SYNE2: variants seen among roughly 807,000 people sequenced by gnomAD.
The protein encoded by SYNE2 is nesprin-2.
A neutral mutation model predicts 856.3 loss-of-function variants in SYNE2; 431 were observed. The ratio of observed to expected loss-of-function variants is 0.50; its 90% CI spans 0.47 to 0.55. SYNE2 has a LOEUF of 0.55. Among genes scored for constraint, SYNE2 ranks in the 20% least tolerant of loss-of-function variants. SYNE2 has a pLI of 0.00. For synonymous variants in SYNE2, 2,923 were observed against 2,872.3 expected (o/e 1.02, Z -0.56); for missense variants, 8,129 against 8,023.2 (o/e 1.01, Z -0.50).
chr14:63,991,900 G>A (rs2096669408), intron 21 of SYNE2, among the ~76,000 whole-genome samples: 1 of 152,126 alleles, frequency 6.6e-6, no homozygotes, highest in South Asian at 2.1e-4. Context: ...ATGAAAGGGC[G>A]CCCTATAGGA....
chr14:64,125,878 A>G (rs2097940325), intron 71 of SYNE2, among the ~76,000 whole-genome samples: 1 of 151,970 alleles, frequency 6.6e-6, no homozygotes, highest in African/African-American at 2.4e-5. Flanking sequence ...AAGACACTGT[A>G]CCTCCTCTTT....
At chr14:64,155,802 C>A (rs2098281075) in intron 85 of SYNE2, among the ~76,000 whole-genome samples, 1 of 152,206 alleles carries the variant, frequency 6.6e-6, no homozygotes, top group African/African-American at 2.4e-5. Flanking sequence ...GTGGCATGCA[C>A]CTGTAATCCC....
chr14:64,122,860 TG>T (rs949061082), intron 70 of SYNE2, among the ~76,000 whole-genome samples: 7 of 152,220 alleles, frequency 4.6e-5, no homozygotes, highest in Admixed American at 6.5e-5. Flanking sequence ...CCCAGCACTT[TG>T]GGAGGCTGAG....
At position 64,089,569 on chromosome 14, in the gene SYNE2, T is replaced by A. The variant is rs1396522582; in HGVS notation, c.11671-5T>A. 6.2e-7 allele frequency: 1 copy of A among 1,608,562 alleles called. No homozygotes were observed. On this transcript the variant is annotated splice_polypyrimidine_tract_variant and splice_region_variant and intron_variant, in intron 58 of 115. Transcript: ENST00000555002. Reference sequence around the variant, plus strand: ...TTGCATCAGTGTGTTCTTCTGAAATTCTAGGATGTGGTTGCTATTGAATCT... The same window carrying A: ...TTGCATCAGTGTGTTCTTCTGAAATACTAGGATGTGGTTGCTATTGAATCT...
chr14:63,898,278 T>G (rs547261845), intron 1 of SYNE2, among the ~76,000 whole-genome samples: 190 of 152,344 alleles, frequency 1.2e-3, no homozygotes, highest in Non-Finnish European at 1.8e-3. Flanking sequence ...GCTGCATCAC[T>G]ATCGTCCTGG....
At chr14:63,845,743 CTT>C (rs762078790) in intron 1 of SYNE2, among the ~76,000 whole-genome samples, 7 of 135,534 alleles carry the variant, frequency 5.2e-5, no homozygotes, top group Non-Finnish European at 6.4e-5. Flanking sequence ...TTTTTCTTTT[CTT>C]TTTTTTTTTT....
chr14:64,188,685 G>GA lies in SYNE2; in HGVS notation c.17851dup (p.Met5951AsnfsTer3). The GA allele has an allele frequency of 6.2e-7, 1 of 1,614,166 alleles. No individual in the cohort carries two copies. The highest frequency in any genetic ancestry group is 8.5e-7 in the Non-Finnish European group (1 of 1,180,038). On this transcript the variant is annotated frameshift_variant, in exon 98 of 116. Transcript: ENST00000555002. LOFTEE classifies it high-confidence loss of function. Reference sequence around the variant, plus strand: ...ACAGACAGCGGACATTAGTATTGAAGAAATGATTGAAAAGTTACAGAAGGT... The same window carrying GA: ...ACAGACAGCGGACATTAGTATTGAAGAAAATGATTGAAAAGTTACAGAAGGT...
intron 11 of SYNE2, among the ~76,000 whole-genome samples, chr14:63,969,243 C>G (rs1257324099): frequency 6.7e-6 from 1 of 148,862 alleles, no homozygotes; most frequent in Admixed American, 6.8e-5. Context: ...GATCTCAGCT[C>G]ATTGCAAACT....
rs540282645 is a variant in SYNE2, at chr14:64,064,947, C to T, written c.10213-485C>T. The stretch of plus-strand genomic sequence containing the variant: ...TTTCAGCTCACTGCAACCCTGCAAC[C>T]TGTGCCTCCCAGGTTCAGTCAATTC... On this transcript the variant is annotated intron_variant, in intron 50 of 115. Transcript: ENST00000555002. Among the ~76,000 whole-genome samples the T allele has an allele frequency of 3.3e-5, 5 of 151,206 alleles. No individual in the cohort carries two copies. The East Asian group carries it at 7.8e-4, about 24-fold the overall frequency.
At chr14:64,201,636 T>A (rs2098567233) in intron 99 of SYNE2, among the ~76,000 whole-genome samples, 1 of 152,128 alleles carries the variant, frequency 6.6e-6, no homozygotes, top group South Asian at 2.1e-4. Context: ...TTACTTACAC[T>A]TTGGCTACAG....
intron 1 of SYNE2, among the ~76,000 whole-genome samples, chr14:63,880,671 ATTTTTTT>A (rs35718279): frequency 1.5e-5 from 2 of 130,092 alleles, no homozygotes; most frequent in Non-Finnish European, 3.3e-5. Context: ...ATTGTCTTTA[ATTTTTTT>A]TTTTTTTTTT....
At chr14:63,981,273 C>T (rs1596020478) in intron 16 of SYNE2, 100 bp downstream of exon 16, 2 of 1,080,242 alleles carry the variant, frequency 1.9e-6, no homozygotes, top group East Asian at 2.4e-5. Flanking sequence ...GAGAAGAGTA[C>T]ACCAGTGTTT....
chr14:64,061,408 A>C (rs148480336), intron 49 of SYNE2, among the ~76,000 whole-genome samples: 5 of 152,346 alleles, frequency 3.3e-5, no homozygotes, highest in Admixed American at 3.3e-4. Context: ...GAGTGTGATC[A>C]TTCAGAACAA....
chr14:63,800,775 C>A (rs1407895100), intron 1 of SYNE2, among the ~76,000 whole-genome samples: 1 of 152,002 alleles, frequency 6.6e-6, no homozygotes, highest in Non-Finnish European at 1.5e-5. Context: ...AACTTATGAA[C>A]ACAAAGAAGG....
In SYNE2 at chr14:64,022,797, C is replaced by T; in HGVS notation, c.5571C>T (p.Asn1857=). Residue 1857 remains asparagine, a synonymous_variant, in exon 38 of 116, where the codon AAC becomes AAT. Coordinates refer to ENST00000555002, the MANE Select transcript of SYNE2 (RefSeq NM_182914.3). ...FNDWFSNIKV[N]LKECFESSET... is the part of the protein sequence containing the mutation. ...ACTGGTTCAGCAACATTAAAGTGAACCTTAAGGAGTGTTTTGAATCATCAG... is the reference window on the plus strand; with the variant it reads ...ACTGGTTCAGCAACATTAAAGTGAATCTTAAGGAGTGTTTTGAATCATCAG... 2 of 1,611,690 alleles carry T rather than the reference C, an allele frequency of 1.2e-6. No individual in the cohort carries two copies. Among genetic ancestry groups the T allele is most frequent in the South Asian group, 1.1e-5 (1 of 90,880 alleles).
At chr14:64,142,322 C>CT (rs532207422) in intron 82 of SYNE2, among the ~76,000 whole-genome samples, 212 of 152,266 alleles carry the variant, frequency 1.4e-3, no homozygotes, top group Non-Finnish European at 1.6e-3. Context: ...TTTTAACAGA[C>CT]TGTGGTCTCA....
chr14:64,161,978 C>T, intron 87 of SYNE2, 94 bp from the exon 88 acceptor site: 2 of 1,359,582 alleles, frequency 1.5e-6, no homozygotes, highest in African/African-American at 1.4e-5. Flanking sequence ...AATGATCCAT[C>T]TGCTAGTAAC....
intron 97 of SYNE2, among the ~76,000 whole-genome samples, chr14:64,187,671 A>G (rs2098499077): frequency 6.6e-6 from 1 of 152,200 alleles, no homozygotes; most frequent in Non-Finnish European, 1.5e-5. Context: ...CTTTATACAC[A>G]GCAGGAAAAT....
chr14:63,780,039 T>C (rs1566561571), intron 1 of SYNE2, among the ~76,000 whole-genome samples: 1 of 152,168 alleles, frequency 6.6e-6, no homozygotes, highest in Non-Finnish European at 1.5e-5. Flanking sequence ...CTAGAATTAA[T>C]AATCCCAAGA....
Sources: gnomAD v4.1 joint callset for allele counts (sites outside exome capture counted in the v4.1 genomes callset) on GRCh38, gnomAD v4.1.1 for gene constraint, MANE v1.5 for transcripts, NCBI Gene and HGNC (gene_info 2026-07-23, HGNC 2026-07-21) for gene names.